Variants in LINGO2 observed in about 807,000 individuals in gnomAD.
LINGO2 encodes the protein leucine-rich repeat and immunoglobulin-like domain-containing nogo receptor-interacting protein 2.
Under a neutral mutation model 30.6 loss-of-function variants are expected in LINGO2, and 14 were observed. The ratio of observed to expected loss-of-function variants is 0.46; its 90% CI spans 0.30 to 0.72. The LOEUF is 0.72. Ranked by LOEUF, LINGO2 falls within the 30% of genes least tolerant of loss-of-function variation. The probability of loss-of-function intolerance (pLI) is 0.07; values close to 1 mark genes in which losing one functional copy is unlikely to be tolerated. For missense variants in LINGO2, 729 were observed against 751.7 expected (o/e 0.97, Z 0.35); for synonymous variants, 317 against 288.5 (o/e 1.10, Z -1.00).
the LINGO2 span, among the ~76,000 whole-genome samples, chr9:28,848,887 CAT>C: frequency 1.3e-5 from 2 of 151,920 alleles, no homozygotes; most frequent in Non-Finnish European, 2.9e-5. Context: ...CCGCAAAATT[CAT>C]ATGTTGCAAT....
chr9:28,614,723 A>G (rs751021289), intron 1 of LINGO2, among the ~76,000 whole-genome samples: 16 of 152,166 alleles, frequency 1.1e-4, no homozygotes, highest in Non-Finnish European at 2.4e-4. Flanking sequence ...AGGATATGAT[A>G]GAAATATGCA....
intron 2 of LINGO2, among the ~76,000 whole-genome samples, chr9:28,474,264 T>C (rs900951792): frequency 3.9e-5 from 6 of 152,312 alleles, no homozygotes; most frequent in East Asian, 3.9e-4. Flanking sequence ...AATGAGTTCA[T>C]TTTTATTTCA....
At chr9:28,137,760 A>G (rs1314377618) in intron 4 of LINGO2, among the ~76,000 whole-genome samples, 3 of 152,136 alleles carry the variant, frequency 2.0e-5, no homozygotes, top group Non-Finnish European at 4.4e-5. Flanking sequence ...ACTTAAAGAT[A>G]GACATAATCA....
the LINGO2 span, among the ~76,000 whole-genome samples, chr9:28,748,992 C>T: frequency 6.6e-6 from 1 of 151,806 alleles, no homozygotes; most frequent in Non-Finnish European, 1.5e-5. Flanking sequence ...GAAATGCAGC[C>T]TCCTTTTGCC....
At chr9:28,978,673 C>T in the LINGO2 span, among the ~76,000 whole-genome samples, 1 of 151,986 alleles carries the variant, frequency 6.6e-6, no homozygotes, top group Non-Finnish European at 1.5e-5. Context: ...CAGTAGAATT[C>T]ACTATGGCCA....
chr9:28,247,455 T>C (rs576175302), intron 4 of LINGO2, among the ~76,000 whole-genome samples: 26 of 152,218 alleles, frequency 1.7e-4, no homozygotes, highest in Middle Eastern at 3.4e-3. Context: ...TGCAGAGACA[T>C]GGATGAAGCT....
chr9:28,413,076 T>A (rs1822833259), intron 2 of LINGO2, among the ~76,000 whole-genome samples: 1 of 152,156 alleles, frequency 6.6e-6, no homozygotes, highest in African/African-American at 2.4e-5. Flanking sequence ...TGTAAGAATA[T>A]AGTATGTAAT....
chr9:28,917,586 G>C, the LINGO2 span, among the ~76,000 whole-genome samples: 1 of 151,888 alleles, frequency 6.6e-6, no homozygotes, highest in Non-Finnish European at 1.5e-5. Flanking sequence ...CTGAGTAGCT[G>C]GGATTACAGG....
the LINGO2 span, among the ~76,000 whole-genome samples, chr9:29,017,266 T>C: frequency 6.6e-6 from 1 of 152,060 alleles, no homozygotes; most frequent in Non-Finnish European, 1.5e-5. Flanking sequence ...AGAAAATCCA[T>C]ATAAACAATG....
chr9:27,965,465 G>T (rs558401475), intron 5 of LINGO2, among the ~76,000 whole-genome samples: 6 of 150,276 alleles, frequency 4.0e-5, no homozygotes, highest in African/African-American at 9.7e-5. Context: ...TTCTCTCTGG[G>T]TTATGCTTTG....
At chr9:28,980,462 C>T in the LINGO2 span, among the ~76,000 whole-genome samples, 2 of 152,088 alleles carry the variant, frequency 1.3e-5, no homozygotes, top group Non-Finnish European at 2.9e-5. Context: ...GAATCCACAA[C>T]CCCTCCCCAG....
the LINGO2 span, among the ~76,000 whole-genome samples, chr9:28,840,167 T>G: frequency 6.6e-6 from 1 of 151,810 alleles, no homozygotes; most frequent in Non-Finnish European, 1.5e-5. Flanking sequence ...GATGCTCAGG[T>G]TCCCAGCTGT....
At chr9:28,231,747 T>C (rs1821363665) in intron 4 of LINGO2, among the ~76,000 whole-genome samples, 1 of 152,084 alleles carries the variant, frequency 6.6e-6, no homozygotes, top group Non-Finnish European at 1.5e-5. Context: ...GTAAGTATGG[T>C]AAAGATGCCA....
At chr9:28,988,759 C>T in the LINGO2 span, among the ~76,000 whole-genome samples, 5 of 152,326 alleles carry the variant, frequency 3.3e-5, no homozygotes, top group African/African-American at 1.2e-4. Flanking sequence ...CCAGGGAAAT[C>T]CTCTTCATCT....
At chr9:28,045,621 C>T (rs969546760) in intron 4 of LINGO2, among the ~76,000 whole-genome samples, 2 of 152,136 alleles carry the variant, frequency 1.3e-5, no homozygotes, top group African/African-American at 4.8e-5. Context: ...GGATTTTCTT[C>T]TTACTCTTGT....
intron 2 of LINGO2, among the ~76,000 whole-genome samples, chr9:28,454,325 G>C (rs1342613947): frequency 6.6e-6 from 1 of 151,850 alleles, no homozygotes; most frequent in Non-Finnish European, 1.5e-5. Flanking sequence ...TTTTTAAGCT[G>C]TGTCTCTGTT....
At chr9:28,178,453 T>TA (rs202092557) in intron 4 of LINGO2, among the ~76,000 whole-genome samples, 28 of 150,606 alleles carry the variant, frequency 1.9e-4, no homozygotes, top group East Asian at 7.8e-4. Flanking sequence ...TAAATATGGT[T>TA]AAAAAAAAAG....
At chr9:27,986,783 T>C (rs1375422288) in intron 5 of LINGO2, among the ~76,000 whole-genome samples, 1 of 151,776 alleles carries the variant, frequency 6.6e-6, no homozygotes, top group East Asian at 1.9e-4. Context: ...TAACGGTCAT[T>C]TGTGACATAA....
At chr9:28,711,022 C>A in the LINGO2 span, among the ~76,000 whole-genome samples, 2 of 151,862 alleles carry the variant, frequency 1.3e-5, no homozygotes, top group Admixed American at 6.6e-5. Context: ...TTGATACTGG[C>A]CCCAGCATTT....
Sources: allele counts gnomAD v4.1 joint callset (sites outside exome capture counted in the v4.1 genomes callset), GRCh38; gene constraint gnomAD v4.1.1; transcripts MANE v1.5; gene names NCBI Gene and HGNC (gene_info 2026-07-23, HGNC 2026-07-21).